Variants in FBXO34 observed in about 807,000 individuals in gnomAD.
FBXO34 encodes the protein F-box only protein 34.
In FBXO34, 12 loss-of-function variants were observed where a neutral mutation model predicts 24.5. The observed-to-expected ratio is 0.49, with a 90% CI of 0.31 to 0.79. FBXO34 has a LOEUF of 0.79. Among genes scored for constraint, FBXO34 ranks in the 30% least tolerant of loss-of-function variants. The pLI is 0.04. For synonymous variants in FBXO34, 320 were observed against 311.9 expected (o/e 1.03, Z -0.27); for missense variants, 823 against 857.7 (o/e 0.96, Z 0.51).
At chr14:55,292,683 G>A (rs1881981905) in intron 1 of FBXO34, among the ~76,000 whole-genome samples, 1 of 152,006 alleles carries the variant, frequency 6.6e-6, no homozygotes, top group South Asian at 2.1e-4. Context: ...GGAAATGGGA[G>A]CATTAAAAGA....
At chr14:55,289,527 G>C (rs1013865715) in intron 1 of FBXO34, among the ~76,000 whole-genome samples, 1 of 151,956 alleles carries the variant, frequency 6.6e-6, no homozygotes, top group Non-Finnish European at 1.5e-5. Context: ...TTCTATGTAT[G>C]TGTGTATGTG....
intron 1 of FBXO34, among the ~76,000 whole-genome samples, chr14:55,288,848 C>T (rs1241824915): frequency 3.9e-5 from 6 of 152,084 alleles, no homozygotes; most frequent in Non-Finnish European, 8.8e-5. Context: ...GTCAGGAGTT[C>T]GAGACCAGCT....
At chr14:55,435,523 C>T in the FBXO34 span, among the ~76,000 whole-genome samples, 1 of 152,092 alleles carries the variant, frequency 6.6e-6, no homozygotes, top group Non-Finnish European at 1.5e-5. Context: ...ATCCACCTGC[C>T]TCAGCCTCCC....
chr14:55,411,783 C>G, the FBXO34 span: 2 of 1,602,766 alleles, frequency 1.2e-6, no homozygotes, highest in Non-Finnish European at 1.7e-6. Flanking sequence ...CAGCCAGGAG[C>G]CTCCAGCGCC....
chr14:55,360,387 C>T (rs1295082151), intron 3 of FBXO34, among the ~76,000 whole-genome samples: 1 of 152,052 alleles, frequency 6.6e-6, no homozygotes, highest in East Asian at 1.9e-4. Context: ...GAAACACTTT[C>T]TTTTGCTCAT....
chr14:55,329,948 T>C (rs1428170101), intron 1 of FBXO34, among the ~76,000 whole-genome samples: 1 of 152,118 alleles, frequency 6.6e-6, no homozygotes, highest in Non-Finnish European at 1.5e-5. Context: ...GTTTCTCTAC[T>C]ACTGGTGTTC....
chr14:55,380,782 A>AT, the FBXO34 span: 1 of 798,702 alleles, frequency 1.3e-6, no homozygotes, highest in South Asian at 2.1e-5. Flanking sequence ...TTTTATCATG[A>AT]TAGCACTGTT....
downstream of FBXO34, chr14:55,366,687 C>T (rs1325232999): frequency 1.3e-5 from 2 of 152,498 alleles, no homozygotes; most frequent in African/African-American, 4.8e-5. Context: ...CCATTTTAAG[C>T]AGCCTGTTTG....
chr14:55,442,110 C>T, the FBXO34 span, among the ~76,000 whole-genome samples: 14 of 150,146 alleles, frequency 9.3e-5, no homozygotes, highest in South Asian at 2.2e-4. Context: ...TACAGATTCC[C>T]GGGTGTGGTG....
At chr14:55,305,613 CA>C (rs1390136491) in intron 1 of FBXO34, among the ~76,000 whole-genome samples, 2 of 148,528 alleles carry the variant, frequency 1.3e-5, no homozygotes, top group African/African-American at 2.5e-5. Context: ...AGAATAGCTT[CA>C]ACCCAGGAGG....
At chr14:55,382,297 A>T in the FBXO34 span, 1 of 904,520 alleles carries the variant, frequency 1.1e-6, no homozygotes, top group Non-Finnish European at 1.7e-6. Context: ...CTATGAGCAC[A>T]GAAATTTTAC....
chr14:55,376,998 A>C, the FBXO34 span, among the ~76,000 whole-genome samples: 1 of 152,148 alleles, frequency 6.6e-6, no homozygotes, highest in Non-Finnish European at 1.5e-5. Flanking sequence ...TTCATCCCCT[A>C]CACCTCTAAT....
intron 1 of FBXO34, chr14:55,282,401 C>T (rs956596521): frequency 4.8e-5 from 18 of 373,318 alleles, no homozygotes; most frequent in Middle Eastern, 9.0e-4. Flanking sequence ...ATTTAGCACA[C>T]ATTGGACCAC....
the FBXO34 span, among the ~76,000 whole-genome samples, chr14:55,427,919 C>T: frequency 5.7e-5 from 8 of 139,430 alleles, no homozygotes; most frequent in Non-Finnish European, 9.1e-5. Context: ...CTGGCTGTGG[C>T]CCGGGCTGGA....
intron 1 of FBXO34, among the ~76,000 whole-genome samples, chr14:55,333,831 G>A (rs1883681763): frequency 1.3e-5 from 2 of 151,836 alleles, no homozygotes; most frequent in African/African-American, 4.8e-5. Context: ...CTTAGTGTCT[G>A]TATATTTTAG....
At chr14:55,298,796 C>T (rs970980549) in intron 1 of FBXO34, 11 of 1,608,312 alleles carry the variant, frequency 6.8e-6, no homozygotes, top group Middle Eastern at 1.6e-4. Flanking sequence ...AAAACAAGCC[C>T]GCGGCCCTCC....
the FBXO34 span, among the ~76,000 whole-genome samples, chr14:55,424,690 C>A: frequency 1.3e-5 from 2 of 152,132 alleles, no homozygotes; most frequent in Admixed American, 1.3e-4. Context: ...CAGATAGAAC[C>A]TAAAAATATT....
the FBXO34 span, chr14:55,411,804 T>G: frequency 6.3e-7 from 1 of 1,596,836 alleles, no homozygotes; most frequent in Admixed American, 1.7e-5. Context: ...CGGGCTCCCT[T>G]CCCACTGGGA....
chr14:55,405,399 T>C, the FBXO34 span, among the ~76,000 whole-genome samples: 3 of 152,224 alleles, frequency 2.0e-5, no homozygotes, highest in African/African-American at 7.2e-5. Flanking sequence ...AAAAGTATAA[T>C]CATATATTCT....
Sources: allele counts gnomAD v4.1 joint callset (sites outside exome capture counted in the v4.1 genomes callset), GRCh38; gene constraint gnomAD v4.1.1; transcripts MANE v1.5; gene names NCBI Gene and HGNC (gene_info 2026-07-23, HGNC 2026-07-21).